The following SPAG16 variants were observed in gnomAD, a reference collection of about 807,000 sequenced individuals.
SPAG16 encodes sperm associated antigen 16.
A neutral mutation model predicts 80.4 loss-of-function variants in SPAG16; 86 were observed. The ratio of observed to expected loss-of-function variants is 1.07; its 90% confidence interval spans 0.90 to 1.28. SPAG16 has a LOEUF of 1.28. SPAG16 is among the 50% of genes most tolerant of loss of function. The pLI is 0.00. For synonymous variants in SPAG16, 294 were observed against 265.9 expected, an observed-to-expected ratio of 1.11 and a Z score of -1.03; for missense variants, 870 against 765.3, an observed-to-expected ratio of 1.14 and a Z score of -1.61.
Position 214,305,585 on chromosome 2 carries a change from G to A in SPAG16, c.1721-104555G>A, listed in dbSNP as rs1016466696. ...GGAAGGGATTCAGTTTCAATCTTCT[G>A]TATATGCCTCACCAGTTATCCTAGC... On this transcript the variant is annotated intron_variant, in intron 15 of 15. Coordinates refer to ENST00000331683, the MANE Select transcript of SPAG16 (RefSeq NM_024532.5). Among the ~76,000 whole-genome samples, 6 of 152,212 alleles carry A rather than the reference G, an allele frequency of 3.9e-5. No homozygotes were observed. The South Asian group carries it at 1.2e-3, about 32-fold the overall frequency.
chr2:214,181,515 C>T (rs1460088755), intron 15 of SPAG16, among the ~76,000 whole-genome samples: 3 of 151,730 alleles, frequency 2.0e-5, no homozygotes, highest in Non-Finnish European at 4.4e-5. Context: ...TATATGAACA[C>T]CATGAAGAAA....
intron 13 of SPAG16, among the ~76,000 whole-genome samples, chr2:214,035,643 C>A (rs577480827): frequency 7.8e-4 from 119 of 152,308 alleles, no homozygotes; most frequent in African/African-American, 2.6e-3. Context: ...ACAGTAGGAG[C>A]AGACACTTCT....
At chr2:214,175,263 A>G (rs907725032) in intron 15 of SPAG16, among the ~76,000 whole-genome samples, 43 of 146,636 alleles carry the variant, frequency 2.9e-4, no homozygotes, top group African/African-American at 9.3e-4. Context: ...ATATATAAAG[A>G]AATGTATATA....
chr2:213,510,675 T>G lies in SPAG16; in HGVS notation c.1070+20585T>G, dbSNP rs553002540. ...CTTGTTGACTGTGCAACCTTTGTATTGATAACTGGACTTAGTACAGGCATA... is the reference window on the plus strand; with the variant it reads ...CTTGTTGACTGTGCAACCTTTGTATGGATAACTGGACTTAGTACAGGCATA... On this transcript the variant is annotated intron_variant, in intron 10 of 15. Coordinates refer to ENST00000331683, the MANE Select transcript of SPAG16 (RefSeq NM_024532.5). Among the ~76,000 whole-genome samples the G allele has an allele frequency of 3.9e-5, 6 of 152,300 alleles. 1 individual carries two copies. Among genetic ancestry groups the G allele is most frequent in the Admixed American group, 2.0e-4 (3 of 15,290 alleles).
intron 15 of SPAG16, among the ~76,000 whole-genome samples, chr2:214,179,724 A>G (rs2057249001): frequency 6.6e-6 from 1 of 151,574 alleles, no homozygotes; most frequent in Admixed American, 6.6e-5. Context: ...GTGGACAATA[A>G]CTATCCAAAA....
intron 15 of SPAG16, among the ~76,000 whole-genome samples, chr2:214,340,324 C>T (rs1385827970): frequency 6.6e-6 from 1 of 152,186 alleles, no homozygotes; most frequent in Non-Finnish European, 1.5e-5. Flanking sequence ...CTTTCACCTG[C>T]CCCAGCGTTA....
intron 15 of SPAG16, among the ~76,000 whole-genome samples, chr2:214,200,956 T>C (rs1477983960): frequency 6.6e-6 from 1 of 152,094 alleles, no homozygotes; most frequent in Non-Finnish European, 1.5e-5. Context: ...CACAGAGTAA[T>C]TGTAAAGAGA....
intron 15 of SPAG16, among the ~76,000 whole-genome samples, chr2:214,283,481 CA>C (rs1427012698): frequency 6.6e-6 from 1 of 152,062 alleles, no homozygotes; most frequent in Admixed American, 6.6e-5. Context: ...TTAATTGCCA[CA>C]AGGCCTATAA....
chr2:213,992,954 G>A (rs1418205122), intron 12 of SPAG16, among the ~76,000 whole-genome samples: 2 of 152,212 alleles, frequency 1.3e-5, no homozygotes, highest in Non-Finnish European at 2.9e-5. Flanking sequence ...GTGGCTATCT[G>A]AAGGAGGGTG....
At chr2:214,056,677 A>T (rs2049963024) in intron 13 of SPAG16, among the ~76,000 whole-genome samples, 1 of 152,132 alleles carries the variant, frequency 6.6e-6, no homozygotes, top group African/African-American at 2.4e-5. Flanking sequence ...TTTTAAAAAT[A>T]AGACAATAAA....
chr2:214,187,920 T>G lies in SPAG16; in HGVS notation c.1720+38654T>G, dbSNP rs367971766. ...TAGCCATACCTCTTCTCCTTTAATA[T>G]CAAAATGCACTACTATTTAAGCGAT... On this transcript the variant is annotated intron_variant, in intron 15 of 15. Coordinates refer to ENST00000331683, the MANE Select transcript of SPAG16 (RefSeq NM_024532.5). Among the ~76,000 whole-genome samples, 6 of 152,260 alleles carry G rather than the reference T, an allele frequency of 3.9e-5. No homozygotes were observed. The East Asian group carries it at 1.2e-3, about 29-fold the overall frequency.
At position 213,377,129 on chromosome 2, in the gene SPAG16, G is replaced by T. The variant is rs147002897; in HGVS notation, c.942+2010G>T. On this transcript the variant is annotated intron_variant, in intron 9 of 15. Coordinates refer to ENST00000331683, the MANE Select transcript of SPAG16 (RefSeq NM_024532.5). ...CTACCTTACACTGAGTTGATATTTT[G>T]CTGGAATTAGAGTTCTAGTTTTAAA... Among the ~76,000 whole-genome samples, 168 of 152,240 alleles carry T rather than the reference G, an allele frequency of 1.1e-3. 2 individuals carry two copies. The highest frequency in any genetic ancestry group is 3.6e-3 in the African/African-American group (150 of 41,560).
intron 13 of SPAG16, among the ~76,000 whole-genome samples, chr2:214,069,892 C>A (rs1359037469): frequency 6.6e-6 from 1 of 152,082 alleles, no homozygotes; most frequent in South Asian, 2.1e-4. Flanking sequence ...TTCTTTATAT[C>A]AACCAAGGCA....
At chr2:213,759,287 C>A (rs2068516501) in intron 10 of SPAG16, among the ~76,000 whole-genome samples, 1 of 151,866 alleles carries the variant, frequency 6.6e-6, no homozygotes, top group African/African-American at 2.4e-5. Context: ...TGTAACAATA[C>A]TTTTTAACTG....
intron 10 of SPAG16, among the ~76,000 whole-genome samples, chr2:213,651,937 AT>A (rs2063038541): frequency 6.6e-6 from 1 of 152,190 alleles, no homozygotes; most frequent in African/African-American, 2.4e-5. Context: ...CTGCATTTCT[AT>A]TGGCAGTAAT....
At chr2:213,299,437 A>T (rs948993772) in intron 3 of SPAG16, among the ~76,000 whole-genome samples, 2 of 146,846 alleles carry the variant, frequency 1.4e-5, no homozygotes, top group African/African-American at 5.0e-5. Flanking sequence ...CACCGAGCTA[A>T]TTTTTTTTTT....
At chr2:214,271,061 G>C (rs1443984436) in intron 15 of SPAG16, among the ~76,000 whole-genome samples, 2 of 152,102 alleles carry the variant, frequency 1.3e-5, no homozygotes, top group Non-Finnish European at 2.9e-5. Flanking sequence ...TGTGACTTTT[G>C]AGATCTTAAT....
intron 10 of SPAG16, among the ~76,000 whole-genome samples, chr2:213,728,915 A>AAAAAAAAAAAAAAAAC (rs2066904762): frequency 7.3e-6 from 1 of 136,996 alleles, no homozygotes; most frequent in African/African-American, 2.7e-5. Flanking sequence ...AAAAAAAAAA[A>AAAAAAAAAAAAAAAAC]AAAAAAGATG....
chr2:213,297,414 A>G (rs2062550271), intron 3 of SPAG16, 57 bp downstream of exon 3: 3 of 1,024,564 alleles, frequency 2.9e-6, no homozygotes, highest in Non-Finnish European at 4.4e-6. Flanking sequence ...TTTTATATGA[A>G]GTTTGGAAAG....
Sources: gnomAD v4.1 joint callset for allele counts (sites outside exome capture counted in the v4.1 genomes callset) on GRCh38, gnomAD v4.1.1 for gene constraint, MANE v1.5 for transcripts, NCBI Gene and HGNC (gene_info 2026-07-23, HGNC 2026-07-21) for gene names.